Variants in DENND2C observed in about 807,000 individuals in gnomAD.
DENND2C encodes DENN domain containing 2C.
A neutral mutation model predicts 112.4 loss-of-function variants in DENND2C; 72 were observed. The ratio of observed to expected loss-of-function variants is 0.64; its 90% CI spans 0.53 to 0.78. The LOEUF (loss-of-function observed/expected upper bound fraction) is 0.78. DENND2C is among the 30% of genes least tolerant of loss of function. DENND2C has a pLI of 0.00. For missense variants in DENND2C, 992 were observed against 1,113.8 expected, an observed-to-expected ratio of 0.89 and a Z score of 1.56; for synonymous variants, 329 against 381.6, an observed-to-expected ratio of 0.86 and a Z score of 1.61.
At chr1:114,587,601 TAAAC>T (rs1466053450) in intron 19 of DENND2C, 111 bp downstream of exon 19, 5 of 1,415,664 alleles carry the variant, frequency 3.5e-6, no homozygotes, top group Non-Finnish European at 4.9e-6. Flanking sequence ...ATTCTCATAA[TAAAC>T]AACTCAGATT....
chr1:114,634,519 A>T (rs908614577), intron 3 of DENND2C, among the ~76,000 whole-genome samples: 2 of 152,134 alleles, frequency 1.3e-5, no homozygotes, highest in African/African-American at 4.8e-5. Context: ...TGCATGAAAC[A>T]TTCACCAATA....
intron 1 of DENND2C, among the ~76,000 whole-genome samples, chr1:114,660,501 T>C (rs1254929263): frequency 6.6e-6 from 1 of 152,142 alleles, no homozygotes; most frequent in Non-Finnish European, 1.5e-5. Flanking sequence ...CTTTCAGCTG[T>C]ATTGTTTTGA....
Position 114,600,319 on chromosome 1 carries a change from A to G in DENND2C, c.1990T>C (p.Leu664=). ...AGACATTTAAAATCAACATGTTCCA[A>G]TCGGGAATCTAGTGGTCGGCAGAGT... is the stretch of plus-strand genomic sequence containing the variant. ...IELCRPLDSR[L]EHVDFKCLFK... The change falls in exon 15 of 21, where the codon TTG becomes CTG. Residue 664 remains leucine, a synonymous_variant. Transcript: ENST00000393274. The G allele has an allele frequency of 1.9e-6, 3 of 1,614,110 alleles. No individual in the cohort carries two copies. Among genetic ancestry groups the G allele is most frequent in the South Asian group, 1.1e-5 (1 of 91,070 alleles).
intron 3 of DENND2C, among the ~76,000 whole-genome samples, chr1:114,635,568 A>C (rs1656632250): frequency 6.6e-6 from 1 of 152,182 alleles, no homozygotes; most frequent in Non-Finnish European, 1.5e-5. Context: ...ATACAAACTC[A>C]TTCAGAAAAC....
intron 3 of DENND2C, among the ~76,000 whole-genome samples, chr1:114,644,605 A>G (rs1048350066): frequency 1.3e-5 from 2 of 152,290 alleles, no homozygotes; most frequent in Admixed American, 6.5e-5. Context: ...AATAATTCAC[A>G]CCACAATAAG....
At chr1:114,608,304 TA>T (rs1655716055) in intron 10 of DENND2C, among the ~76,000 whole-genome samples, 3 of 152,034 alleles carry the variant, frequency 2.0e-5, no homozygotes, top group Non-Finnish European at 4.4e-5. Flanking sequence ...AGTAACTGCT[TA>T]AAGTCACGGA....
intron 3 of DENND2C, among the ~76,000 whole-genome samples, chr1:114,638,497 A>AT (rs765524562): frequency 1.3e-5 from 2 of 152,134 alleles, no homozygotes; most frequent in African/African-American, 2.4e-5. Context: ...AGTGGCTCAC[A>AT]CCTGTAATCC....
In DENND2C at chr1:114,585,548, A is replaced by G; in HGVS notation, c.*52T>C. ...ATGGGATCCTGACCCTTAGAAAAAT[A>G]TTTTCTTTGGCACTTTCTGTTGTAT... On this transcript the variant is annotated 3_prime_UTR_variant, in exon 21 of 21. Transcript: ENST00000393274. 1 of 1,592,748 alleles carries G rather than the reference A, an allele frequency of 6.3e-7. No individual in the cohort carries two copies.
At chr1:114,659,766 G>A (rs1286134052) in intron 1 of DENND2C, among the ~76,000 whole-genome samples, 5 of 117,188 alleles carry the variant, frequency 4.3e-5, no homozygotes, top group South Asian at 3.1e-4. Context: ...CCCTCCCTCC[G>A]TCTTCCTTCC....
chr1:114,621,866 T>A, intron 7 of DENND2C, 29 bp downstream of exon 7: 4 of 1,549,670 alleles, frequency 2.6e-6, no homozygotes, highest in Non-Finnish European at 3.5e-6. Context: ...GAAGTAAGAG[T>A]CAAAGAATGA....
intron 6 of DENND2C, 40 bp from the exon 7 acceptor site, chr1:114,622,105 T>C (rs1362670047): frequency 2.7e-6 from 4 of 1,479,498 alleles, no homozygotes; most frequent in African/African-American, 1.4e-5. Flanking sequence ...TCACCTAGTT[T>C]TGCTGTTGTT....
chr1:114,621,923 G>C lies in DENND2C; in HGVS notation c.1199C>G (p.Ala400Gly), dbSNP rs761396163. Residue 400 changes from alanine to glycine, a missense_variant, in exon 7 of 21, where the codon GCA (alanine) becomes GGA (glycine). Ala to Gly is a moderately conservative substitution (Grantham distance 60). Coordinates refer to ENST00000393274, the MANE Select transcript of DENND2C (RefSeq NM_001256404.2). ...EWKLFRAGEV[A>G]NTKRKNLPRL... ...TGGAAGATTTTTCCTTTTCGTGTTT[G>C]CAACTTCACCAGCTCGGAAAAGCTT... 6 of 1,550,608 alleles carry C rather than the reference G, an allele frequency of 3.9e-6. No individual in the cohort carries two copies. The African/African-American group carries it at 4.1e-5, about 11-fold the overall frequency.
chr1:114,588,168 T>C (rs1294482778), intron 18 of DENND2C, among the ~76,000 whole-genome samples: 1 of 152,200 alleles, frequency 6.6e-6, no homozygotes, highest in Non-Finnish European at 1.5e-5. Context: ...TACATACTCC[T>C]TCTACATCTT....
chr1:114,635,005 G>A (rs1656612891), intron 3 of DENND2C, among the ~76,000 whole-genome samples: 1 of 142,422 alleles, frequency 7.0e-6, no homozygotes, highest in South Asian at 2.2e-4. Flanking sequence ...TCCAGCCTGA[G>A]TGATAGAGTG....
At chr1:114,648,685 C>T (rs1657065682) in intron 2 of DENND2C, among the ~76,000 whole-genome samples, 1 of 152,088 alleles carries the variant, frequency 6.6e-6, no homozygotes, top group Admixed American at 6.6e-5. Context: ...TGAGGCATAT[C>T]CCCAGACTTA....
At chr1:114,661,710 C>T (rs1292393671) in intron 1 of DENND2C, among the ~76,000 whole-genome samples, 1 of 152,104 alleles carries the variant, frequency 6.6e-6, no homozygotes, top group Non-Finnish European at 1.5e-5. Flanking sequence ...GACCATTTCC[C>T]TCAATATTTT....
At chr1:114,590,751 C>T (rs1224919404) in intron 18 of DENND2C, among the ~76,000 whole-genome samples, 1 of 144,720 alleles carries the variant, frequency 6.9e-6, no homozygotes, top group African/African-American at 2.5e-5. Flanking sequence ...TGCACTCCAG[C>T]CTGGGCGACA....
At chr1:114,668,553 A>ACACACC (rs372707000) in intron 1 of DENND2C, among the ~76,000 whole-genome samples, 117 of 148,722 alleles carry the variant, frequency 7.9e-4, no homozygotes, top group African/African-American at 1.0e-3. Flanking sequence ...ACACACACAC[A>ACACACC]CCCCAACTAA....
intron 1 of DENND2C, among the ~76,000 whole-genome samples, chr1:114,664,805 G>T (rs1162166749): frequency 8.6e-5 from 13 of 151,084 alleles, no homozygotes; most frequent in African/African-American, 2.9e-4. Context: ...AATTAGCAGG[G>T]GGTCAGGCCG....
Sources: gnomAD v4.1 joint callset for allele counts (sites outside exome capture counted in the v4.1 genomes callset) on GRCh38, gnomAD v4.1.1 for gene constraint, MANE v1.5 for transcripts, NCBI Gene and HGNC (gene_info 2026-07-23, HGNC 2026-07-21) for gene names.